Variants in RYR3 observed in about 807,000 individuals in gnomAD.
RYR3 encodes the protein ryanodine receptor 3.
A neutral mutation model predicts 584.3 loss-of-function variants in RYR3; 207 were observed. The observed-to-expected ratio is 0.35, with a 90% confidence interval of 0.32 to 0.40. RYR3 has a LOEUF of 0.40. Among genes scored for constraint, RYR3 ranks in the 10% least tolerant of loss-of-function variants. RYR3 has a pLI of 1.00. For synonymous variants in RYR3, 2,416 were observed against 2,248.5 expected (o/e 1.07, Z -2.11); for missense variants, 5,616 against 6,089.2 (o/e 0.92, Z 2.59).
intron 1 of RYR3, among the ~76,000 whole-genome samples, chr15:33,409,940 G>A (rs945953131): frequency 3.9e-5 from 6 of 152,106 alleles, no homozygotes; most frequent in African/African-American, 7.2e-5. Context: ...AAAACACCAG[G>A]GCCTGTGATC....
intron 1 of RYR3, among the ~76,000 whole-genome samples, chr15:33,431,532 G>T (rs2045145688): frequency 6.6e-6 from 1 of 152,144 alleles, no homozygotes; most frequent in Non-Finnish European, 1.5e-5. Context: ...GGAGGCTGAG[G>T]TGGGCAGATC....
chr15:33,591,429 C>T (rs985470764), intron 16 of RYR3, among the ~76,000 whole-genome samples: 1 of 149,388 alleles, frequency 6.7e-6, no homozygotes, highest in Non-Finnish European at 1.5e-5. Flanking sequence ...ACATGGCAAG[C>T]ATTCATACAT....
chr15:33,814,144 T>C (rs1235188887), intron 74 of RYR3, among the ~76,000 whole-genome samples: 1 of 152,208 alleles, frequency 6.6e-6, no homozygotes, highest in Non-Finnish European at 1.5e-5. Flanking sequence ...TAAAATGTAT[T>C]TGAAGCTTTT....
At chr15:33,652,690 C>A (rs1341330230) in intron 31 of RYR3, 28 bp from the exon 32 acceptor site, 1 of 1,608,830 alleles carries the variant, frequency 6.2e-7, no homozygotes, top group Admixed American at 1.7e-5. Context: ...AGTCCAGATT[C>A]TGTGCCTTTT....
chr15:33,828,024 T>C (rs1000337174), intron 85 of RYR3, among the ~76,000 whole-genome samples: 1 of 152,202 alleles, frequency 6.6e-6, no homozygotes, highest in Non-Finnish European at 1.5e-5. Context: ...ATCTGTGCCG[T>C]TTTACCAACA....
intron 57 of RYR3, among the ~76,000 whole-genome samples, chr15:33,754,070 G>A (rs2071580317): frequency 6.6e-6 from 1 of 152,164 alleles, no homozygotes; most frequent in Non-Finnish European, 1.5e-5. Context: ...CTTGAACCCA[G>A]AAGGCAGAGG....
At position 33,497,917 on chromosome 15, in the gene RYR3, A is replaced by G. The variant is rs566489498; in HGVS notation, c.172-5714A>G. Among the ~76,000 whole-genome samples the G allele has an allele frequency of 8.5e-5, 13 of 152,116 alleles. No individual in the cohort carries two copies. In the South Asian group the frequency reaches 2.5e-3, roughly 29 times the overall value. On this transcript the variant is annotated intron_variant, in intron 2 of 103. Coordinates refer to ENST00000634891, the MANE Select transcript of RYR3 (RefSeq NM_001036.6). Reference sequence around the variant, plus strand: ...CCACCATTCTACTCTCTCTACATCTATGAGATCAACTTCTTTTAATTCCAC... The same window carrying G: ...CCACCATTCTACTCTCTCTACATCTGTGAGATCAACTTCTTTTAATTCCAC...
At chr15:33,436,151 G>T (rs376912204) in intron 1 of RYR3, among the ~76,000 whole-genome samples, 2 of 152,082 alleles carry the variant, frequency 1.3e-5, no homozygotes, top group South Asian at 4.1e-4. Context: ...ATATTTCAAG[G>T]TTGTGTTCAT....
Position 33,843,475 on chromosome 15 carries a change from C to T in RYR3, c.13210-13C>T. 1 of 1,585,426 alleles carries T rather than the reference C, an allele frequency of 6.3e-7. No homozygotes were observed. Among genetic ancestry groups the T allele is most frequent in the South Asian group, 1.1e-5 (1 of 87,492 alleles). On this transcript the variant is annotated splice_polypyrimidine_tract_variant and intron_variant, in intron 91 of 103. Transcript: ENST00000634891. ...CAAAGCTCTTCTACTTCTGCCTGTC[C>T]TTTTCTTTGCAGCATTACCTGGCCA... is the stretch of plus-strand genomic sequence containing the variant.
intron 19 of RYR3, among the ~76,000 whole-genome samples, chr15:33,614,545 C>T (rs780716517): frequency 6.6e-6 from 1 of 152,016 alleles, no homozygotes; most frequent in Non-Finnish European, 1.5e-5. Context: ...TGTGGTGAAA[C>T]ATTTTTTATG....
At chr15:33,340,071 C>T (rs901920876) in intron 1 of RYR3, among the ~76,000 whole-genome samples, 14 of 152,184 alleles carry the variant, frequency 9.2e-5, no homozygotes, top group Non-Finnish European at 7.4e-5. Flanking sequence ...ACAGACCCAT[C>T]CTGATCCTAC....
At chr15:33,543,110 T>C (rs1028214285) in intron 7 of RYR3, among the ~76,000 whole-genome samples, 4 of 152,108 alleles carry the variant, frequency 2.6e-5, no homozygotes, top group African/African-American at 7.2e-5. Flanking sequence ...CAACCAGATT[T>C]GATCTGTTTG....
intron 1 of RYR3, among the ~76,000 whole-genome samples, chr15:33,345,753 T>G (rs983838385): frequency 2.0e-5 from 3 of 152,176 alleles, no homozygotes; most frequent in Non-Finnish European, 4.4e-5. Flanking sequence ...AAATACATAG[T>G]TTTTAATATG....
At chr15:33,622,236 A>T (rs1284854802) in intron 19 of RYR3, among the ~76,000 whole-genome samples, 1 of 152,130 alleles carries the variant, frequency 6.6e-6, no homozygotes, top group Admixed American at 6.5e-5. Flanking sequence ...ACCCTGCCTG[A>T]TACAGCCCTA....
At chr15:33,378,974 A>G (rs998434423) in intron 1 of RYR3, among the ~76,000 whole-genome samples, 1 of 152,212 alleles carries the variant, frequency 6.6e-6, no homozygotes, top group Non-Finnish European at 1.5e-5. Flanking sequence ...CAAAAAAAAA[A>G]AAGTGTGTTT....
intron 27 of RYR3, among the ~76,000 whole-genome samples, chr15:33,639,291 G>C (rs1233302143): frequency 2.6e-5 from 4 of 152,180 alleles, no homozygotes; most frequent in Admixed American, 2.6e-4. Context: ...ACATTATACT[G>C]TCGTATCATA....
intron 1 of RYR3, among the ~76,000 whole-genome samples, chr15:33,332,093 A>G (rs1189124793): frequency 6.6e-6 from 1 of 152,116 alleles, no homozygotes; most frequent in African/African-American, 2.4e-5. Context: ...ATTTTAATCA[A>G]TCTGAAAGAA....
intron 102 of RYR3, among the ~76,000 whole-genome samples, chr15:33,863,257 C>T (rs1889154066): frequency 6.6e-6 from 1 of 152,144 alleles, no homozygotes; most frequent in Non-Finnish European, 1.5e-5. Flanking sequence ...ATGTCCTCAG[C>T]CCCTACGTAT....
chr15:33,731,504 G>T lies in RYR3; in HGVS notation c.7234G>T (p.Ala2412Ser). ...CCTAAGCACCACAGAGGCTGCGCTT[G>T]CACTAAATAGGTATATATGTTCTGC... is the stretch of plus-strand genomic sequence containing the variant. ...VSLSTTEAAL[A>S]LNRYICSAVL... is the part of the protein sequence containing the mutation. The change falls in exon 48 of 104, where the codon GCA becomes TCA. Residue 2412 changes from alanine (A) to serine (S), a missense_variant. Physicochemically the swap from Ala to Ser is moderately conservative, Grantham distance 99. Coordinates refer to ENST00000634891, the MANE Select transcript of RYR3 (RefSeq NM_001036.6). 6.2e-7 allele frequency: 1 copy of T among 1,613,218 alleles called. No homozygotes were observed. The highest frequency in any genetic ancestry group is 8.5e-7 in the Non-Finnish European group (1 of 1,179,582).
Sources: gnomAD v4.1 joint callset for allele counts (sites outside exome capture counted in the v4.1 genomes callset) on GRCh38, gnomAD v4.1.1 for gene constraint, MANE v1.5 for transcripts, NCBI Gene and HGNC (gene_info 2026-07-23, HGNC 2026-07-21) for gene names.